The following FRRS1 variants were observed in gnomAD, a reference collection of about 807,000 sequenced individuals.
FRRS1 encodes the protein ferric chelate reductase 1.
In FRRS1, 51 loss-of-function variants were observed where a neutral mutation model predicts 70.7. The observed-to-expected ratio is 0.72, with a 90% CI of 0.58 to 0.91. The LOEUF is 0.91. FRRS1 is among the 40% of genes least tolerant of loss of function. The probability of loss-of-function intolerance (pLI) is 0.00; values close to 1 mark genes in which losing one functional copy is unlikely to be tolerated. For missense variants in FRRS1, 672 were observed against 726.0 expected, an observed-to-expected ratio of 0.93 and a Z score of 0.86; for synonymous variants, 225 against 238.7, an observed-to-expected ratio of 0.94 and a Z score of 0.53.
In FRRS1 at chr1:99,706,744, A is replaced by G. The variant is rs1390748410; in HGVS notation, c.*2284T>C. Among the ~76,000 whole-genome samples the G allele has an allele frequency of 1.3e-5, 2 of 152,202 alleles. No homozygotes were observed. The highest frequency in any genetic ancestry group is 3.9e-4 in the East Asian group (2 of 5,168). The stretch of plus-strand genomic sequence containing the variant: ...CCCCGTCTCTACTAAAAATATAAAA[A>G]TTAGCCGAGACTGGTGGTGCACACC... On this transcript the variant is annotated 3_prime_UTR_variant, in exon 17 of 17. Coordinates refer to ENST00000646001, the MANE Select transcript of FRRS1 (RefSeq NM_001361041.2).
In FRRS1 at chr1:99,747,447, A is replaced by T; in HGVS notation, c.197-17T>A. On this transcript the variant is annotated splice_polypyrimidine_tract_variant and intron_variant, in intron 3 of 16. Transcript: ENST00000646001. ...ACAAAGTAACTGAGAAAAAGACAAA[A>T]GGGTTGGTTAAAAAGCTTAGTAATA... 6.2e-7 allele frequency: 1 copy of T among 1,602,800 alleles called. No individual in the cohort carries two copies. Among genetic ancestry groups the T allele is most frequent in the South Asian group, 1.1e-5 (1 of 88,724 alleles).
intron 1 of FRRS1, among the ~76,000 whole-genome samples, chr1:99,763,789 A>G (rs1005799984): frequency 4.7e-5 from 7 of 149,600 alleles, no homozygotes; most frequent in African/African-American, 1.7e-4. Context: ...AATCGCTTGA[A>G]CCCTGGAGGC....
At chr1:99,736,561 T>C (rs12118328) in intron 7 of FRRS1, among the ~76,000 whole-genome samples, 65,585 of 139,954 alleles carry the variant, frequency 0.47, 19,127 homozygotes, top group African/African-American at 0.84. Flanking sequence ...TAAGTGGGAA[T>C]TGAACAATGA....
intron 6 of FRRS1, among the ~76,000 whole-genome samples, chr1:99,740,549 T>C (rs1408619525): frequency 1.3e-5 from 2 of 152,242 alleles, no homozygotes; most frequent in South Asian, 2.1e-4. Context: ...TAATGTCTTA[T>C]TTTGTTTACC....
In FRRS1 at chr1:99,742,247, T is replaced by C; in HGVS notation, c.360A>G (p.Ala120=). The C allele has an allele frequency of 6.2e-7, 1 of 1,610,166 alleles. No homozygotes were observed. The highest frequency in any genetic ancestry group is 8.5e-7 in the Non-Finnish European group (1 of 1,176,416). Residue 120 remains alanine (A), a synonymous_variant, in exon 5 of 17, where the codon GCA becomes GCG. Coordinates refer to ENST00000646001, the MANE Select transcript of FRRS1 (RefSeq NM_001361041.2). ...AGACTTTAATTTCTGTTTTTTTAGA[T>C]GCACTTCTGTGACTCACTGCTGATC... ...IQGSAVSHRS[A]SKKTEIKVYW...
chr1:99,744,073 A>AAAAG (rs1242470566), intron 4 of FRRS1, among the ~76,000 whole-genome samples: 2 of 145,200 alleles, frequency 1.4e-5, no homozygotes, highest in Non-Finnish European at 3.0e-5. Flanking sequence ...GTAAAAAAAA[A>AAAAG]AAAAAGAAAG....
intron 8 of FRRS1, 121 bp downstream of exon 8, chr1:99,729,528 CT>C: frequency 1.7e-6 from 1 of 586,944 alleles, no homozygotes; most frequent in Admixed American, 2.9e-5. Flanking sequence ...TGGCAGGCCC[CT>C]GCTCAGGCTA....
intron 8 of FRRS1, 96 bp downstream of exon 8, chr1:99,729,554 G>T (rs1655244514): frequency 1.4e-6 from 1 of 735,400 alleles, no homozygotes; most frequent in East Asian, 2.7e-5. Flanking sequence ...GAACTGTGGG[G>T]GTTGGAGGCA....
Position 99,705,640 on chromosome 1 carries a change from G to A in FRRS1, c.*3388C>T, listed in dbSNP as rs1654016931. 6.6e-6 allele frequency among the ~76,000 whole-genome samples: 1 copy of A among 152,156 alleles called. No individual in the cohort carries two copies. The highest frequency in any genetic ancestry group is 1.9e-4 in the East Asian group (1 of 5,200). On this transcript the variant is annotated 3_prime_UTR_variant, in exon 17 of 17. Coordinates refer to ENST00000646001, the MANE Select transcript of FRRS1 (RefSeq NM_001361041.2). The stretch of plus-strand genomic sequence containing the variant: ...GAGGTATTGCTTAACACACATTAGA[G>A]ACAAAATCCTTGACAAAAATAAAGT...
intron 6 of FRRS1, among the ~76,000 whole-genome samples, chr1:99,738,526 G>A (rs1169463849): frequency 6.6e-6 from 1 of 152,090 alleles, no homozygotes; most frequent in Non-Finnish European, 1.5e-5. Flanking sequence ...GGCTGTAATT[G>A]TGCAAGGGTA....
rs779735383 is a variant in FRRS1 at position 99,741,064 on chromosome 1, T to C, written c.429-124A>G. The C allele has an allele frequency of 2.6e-5, 23 of 899,142 alleles. 1 individual carries two copies. Among genetic ancestry groups the C allele is most frequent in the Admixed American group, 2.0e-4 (8 of 40,858 alleles). The allele number at this position is 899,142 out of a possible 1,614,324, so 55.7% of individuals were successfully genotyped here. A position where few individuals can be genotyped will look rare whatever the true frequency, so the allele number is the denominator to read the frequency against. The stretch of plus-strand genomic sequence containing the variant: ...AACATGACTTACTACCTAACAGGAC[T>C]ATTAATTTTGCCTGAGGCAAATCTC... On this transcript the variant is annotated intron_variant, in intron 5 of 16. Coordinates refer to ENST00000646001, the MANE Select transcript of FRRS1 (RefSeq NM_001361041.2).
chr1:99,752,095 A>G (rs1486103504), intron 1 of FRRS1, among the ~76,000 whole-genome samples: 3 of 152,144 alleles, frequency 2.0e-5, no homozygotes, highest in Non-Finnish European at 4.4e-5. Flanking sequence ...GGCTTAAGGA[A>G]ATGTTGTGGT....
At position 99,706,408 on chromosome 1, in the gene FRRS1, C is replaced by CAAA. The variant is rs57154873; in HGVS notation, c.*2617_*2619dup. ...TGGGCAACAGAGTAAGACCCTGTCT[C>CAAA]AAAAAAAAAAAAAAAAGATTAAATG... On this transcript the variant is annotated 3_prime_UTR_variant, in exon 17 of 17. Coordinates refer to ENST00000646001, the MANE Select transcript of FRRS1 (RefSeq NM_001361041.2). Among the ~76,000 whole-genome samples the CAAA allele has an allele frequency of 1.1e-5, 1 of 92,974 alleles. No homozygotes were observed. 61.0% of individuals were successfully genotyped at this position (92,974 alleles called of 152,430 possible).
rs901523625 is a variant in FRRS1, at chr1:99,710,888, G to T, written c.1542C>A (p.Thr514=). The change falls in exon 15 of 17, where the codon ACC becomes ACA. Residue 514 remains threonine (T), a synonymous_variant. Transcript: ENST00000646001. ...PGLNLPDSWK[T]YAMTGFVAWH... is the part of the protein sequence containing the mutation. ...AGGCTACGAATCCGGTCATTGCATA[G>T]GTTTTCCATGAATCAGGAAGATTCA... is the stretch of plus-strand genomic sequence containing the variant. 2 of 1,613,824 alleles carry T rather than the reference G, an allele frequency of 1.2e-6. No homozygotes were observed. Among genetic ancestry groups the T allele is most frequent in the Non-Finnish European group, 1.7e-6 (2 of 1,179,816 alleles).
intron 1 of FRRS1, among the ~76,000 whole-genome samples, chr1:99,757,561 A>C (rs1656898499): frequency 6.6e-6 from 1 of 152,202 alleles, no homozygotes; most frequent in Non-Finnish European, 1.5e-5. Flanking sequence ...CTTCTGTATG[A>C]GAAAGGTTGT....
chr1:99,719,407 C>CAAAA (rs71854810), intron 10 of FRRS1, 127 bp downstream of exon 10: 292 of 389,898 alleles, frequency 7.5e-4, no homozygotes, highest in African/African-American at 8.6e-4. Context: ...GACTCCATCT[C>CAAAA]AAAAAAAAAA....
At position 99,740,895 on chromosome 1, in the gene FRRS1, A is replaced by G. The variant is rs1433527194; in HGVS notation, c.474T>C (p.Pro158=). 1.2e-6 allele frequency: 2 copies of G among 1,608,164 alleles called. No individual in the cohort carries two copies. The highest frequency in any genetic ancestry group is 1.7e-6 in the Non-Finnish European group (2 of 1,174,468). Residue 158 remains proline, a synonymous_variant, in exon 6 of 17, where the codon CCT becomes CCC. Transcript: ENST00000646001. ...CATTTGGTTGTGAAATTATAGGACCAGGAATCTTCACCCAGTAGATTTTAT... is the reference window on the plus strand; with the variant it reads ...CATTTGGTTGTGAAATTATAGGACCGGGAATCTTCACCCAGTAGATTTTAT... The part of the protein sequence containing the change: ...EKYKIYWVKI[P]GPIISQPNAF...
intron 7 of FRRS1, among the ~76,000 whole-genome samples, chr1:99,736,944 T>G (rs1309065127): frequency 2.0e-5 from 3 of 152,172 alleles, no homozygotes; most frequent in Non-Finnish European, 2.9e-5. Context: ...GTTTTTCTAT[T>G]ACAGCCATGT....
At chr1:99,755,319 G>A (rs751962168) in intron 1 of FRRS1, among the ~76,000 whole-genome samples, 1 of 151,502 alleles carries the variant, frequency 6.6e-6, no homozygotes, top group African/African-American at 2.4e-5. Flanking sequence ...AGCTACTCAA[G>A]AGGCCGAGGT....
Sources: allele counts gnomAD v4.1 joint callset (sites outside exome capture counted in the v4.1 genomes callset), GRCh38; gene constraint gnomAD v4.1.1; transcripts MANE v1.5; gene names NCBI Gene and HGNC (gene_info 2026-07-23, HGNC 2026-07-21).